The following CHIC2 variants were observed in gnomAD, a reference collection of about 807,000 sequenced individuals.
CHIC2 encodes the protein cysteine-rich hydrophobic domain-containing protein 2.
Under a neutral mutation model 25.9 loss-of-function variants are expected in CHIC2, and 14 were observed. The ratio of observed to expected loss-of-function variants is 0.54; its 90% CI spans 0.36 to 0.85. CHIC2 has a LOEUF of 0.85. Ranked by LOEUF, CHIC2 falls within the 40% of genes least tolerant of loss-of-function variation. The probability of loss-of-function intolerance (pLI) is 0.01; values close to 1 mark genes in which losing one functional copy is unlikely to be tolerated. For synonymous variants in CHIC2, 70 were observed against 72.0 expected (o/e 0.97, Z 0.14); for missense variants, 146 against 202.0 (o/e 0.72, Z 1.68).
the CHIC2 span, among the ~76,000 whole-genome samples, chr4:54,073,482 A>G: frequency 6.6e-6 from 1 of 152,206 alleles, no homozygotes; most frequent in Admixed American, 6.5e-5. Context: ...GAAGCCACTC[A>G]CCATGTCATG....
At chr4:54,086,397 G>C in the CHIC2 span, among the ~76,000 whole-genome samples, 1 of 152,190 alleles carries the variant, frequency 6.6e-6, no homozygotes, top group East Asian at 1.9e-4. Context: ...CATTGAGTTT[G>C]GGGTTTGGTT....
chr4:54,061,245 A>G (rs1199062737), intron 1 of CHIC2: 1 of 152,172 alleles, frequency 6.6e-6, no homozygotes, highest in East Asian at 1.9e-4. Context: ...TAGAGAATGG[A>G]AGGTAACTTT....
rs1715523818 is a variant in CHIC2, at chr4:54,009,871, A to G, written c.*224T>C. The G allele has an allele frequency of 2.6e-6, 1 of 385,938 alleles. No individual in the cohort carries two copies. The highest frequency in any genetic ancestry group is 4.4e-5 in the Admixed American group (1 of 22,946). The allele number at this position is 385,938 out of a possible 1,614,324, so 23.9% of individuals were successfully genotyped here. On this transcript the variant is annotated 3_prime_UTR_variant, in exon 6 of 6. Coordinates refer to ENST00000263921, the MANE Select transcript of CHIC2 (RefSeq NM_012110.4). Reference sequence around the variant, plus strand: ...ATCAGAATACATAACAGAAAAGAGCACAATAACTTAAGTATTAAACATCTG... The same window carrying G: ...ATCAGAATACATAACAGAAAAGAGCGCAATAACTTAAGTATTAAACATCTG...
At chr4:54,025,781 G>A (rs925029411) in intron 3 of CHIC2, among the ~76,000 whole-genome samples, 4 of 151,368 alleles carry the variant, frequency 2.6e-5, no homozygotes, top group East Asian at 1.9e-4. Flanking sequence ...AGGATCACTC[G>A]AGCCTGGGAG....
At chr4:54,062,673 A>C (rs1287674001) in intron 1 of CHIC2, among the ~76,000 whole-genome samples, 1 of 152,130 alleles carries the variant, frequency 6.6e-6, no homozygotes, top group Non-Finnish European at 1.5e-5. Context: ...TAAATGACAA[A>C]ATTCTCTAGC....
intron 1 of CHIC2, among the ~76,000 whole-genome samples, chr4:54,063,532 A>G (rs1047557661): frequency 1.3e-5 from 2 of 152,190 alleles, no homozygotes; most frequent in Non-Finnish European, 2.9e-5. Context: ...CAGGACTACA[A>G]TTTTCCCTCA....
rs186396359 is a variant in CHIC2 at position 54,022,281 on chromosome 4, C to T, written c.331-8162G>A. 1.2e-3 allele frequency among the ~76,000 whole-genome samples: 187 copies of T among 152,258 alleles called. 4 individuals carry two copies. The highest frequency in any genetic ancestry group is 3.5e-4 in the Non-Finnish European group (24 of 68,012). ...TCTTCTCAGCTTAGTGGCTGAAGACCGACGCTGCCCGATCGCCTCAGAAGC... is the reference window on the plus strand; with the variant it reads ...TCTTCTCAGCTTAGTGGCTGAAGACTGACGCTGCCCGATCGCCTCAGAAGC... On this transcript the variant is annotated intron_variant, in intron 3 of 5. Coordinates refer to ENST00000263921, the MANE Select transcript of CHIC2 (RefSeq NM_012110.4).
chr4:54,083,397 G>A, the CHIC2 span, among the ~76,000 whole-genome samples: 3 of 152,030 alleles, frequency 2.0e-5, no homozygotes, highest in Admixed American at 1.3e-4. Context: ...TATTCTTATA[G>A]CACTTAAAAC....
chr4:54,038,070 A>G (rs574001220), intron 3 of CHIC2, among the ~76,000 whole-genome samples: 69 of 152,274 alleles, frequency 4.5e-4, no homozygotes, highest in African/African-American at 1.6e-3. Flanking sequence ...ACAGAAAATC[A>G]AGAATAAAGC....
intron 1 of CHIC2, among the ~76,000 whole-genome samples, chr4:54,061,610 A>T (rs1351105421): frequency 6.6e-6 from 1 of 152,192 alleles, no homozygotes; most frequent in Non-Finnish European, 1.5e-5. Flanking sequence ...TAAAGCAAGA[A>T]AAATTGAATG....
intron 3 of CHIC2, among the ~76,000 whole-genome samples, chr4:54,021,156 T>A (rs962435291): frequency 6.6e-6 from 1 of 152,190 alleles, no homozygotes; most frequent in Non-Finnish European, 1.5e-5. Flanking sequence ...AAATGCCTTA[T>A]TTTCTTCTGC....
chr4:54,075,138 A>AATAAT, the CHIC2 span, among the ~76,000 whole-genome samples: 1 of 152,134 alleles, frequency 6.6e-6, no homozygotes, highest in Non-Finnish European at 1.5e-5. Context: ...AATAAAATAA[A>AATAAT]TTCTCTCAAG....
upstream of CHIC2, among the ~76,000 whole-genome samples, chr4:54,066,033 C>A (rs1260716204): frequency 6.6e-6 from 1 of 152,228 alleles, no homozygotes; most frequent in Admixed American, 6.5e-5. Flanking sequence ...CAGGCCCTGA[C>A]TTCTGGTAGC....
chr4:54,023,797 A>G (rs140330866), intron 3 of CHIC2, among the ~76,000 whole-genome samples: 106 of 152,314 alleles, frequency 7.0e-4, no homozygotes, highest in African/African-American at 2.5e-3. Flanking sequence ...CTACGCATCA[A>G]TATCTATACT....
chr4:54,010,065 C>T lies in CHIC2; in HGVS notation c.*30G>A. 1 of 1,526,718 alleles carries T rather than the reference C, an allele frequency of 6.5e-7. No homozygotes were observed. The highest frequency in any genetic ancestry group is 9.0e-7 in the Non-Finnish European group (1 of 1,105,598). 94.6% of individuals were successfully genotyped at this position (1,526,718 alleles called of 1,614,324 possible). On this transcript the variant is annotated 3_prime_UTR_variant, in exon 6 of 6. Transcript: ENST00000263921. Reference sequence around the variant, plus strand: ...AAGGCACCATTGGAAAGACAACATACTTGGAAAGTCTCTATAAATAAAGTA... The same window carrying T: ...AAGGCACCATTGGAAAGACAACATATTTGGAAAGTCTCTATAAATAAAGTA...
intron 3 of CHIC2, among the ~76,000 whole-genome samples, chr4:54,038,596 T>G (rs1442074347): frequency 6.6e-6 from 1 of 152,226 alleles, no homozygotes; most frequent in African/African-American, 2.4e-5. Context: ...ATACCAGTGT[T>G]TCTTATAGAT....
intron 5 of CHIC2, among the ~76,000 whole-genome samples, chr4:54,013,279 A>G (rs112275154): frequency 6.6e-6 from 1 of 152,226 alleles, no homozygotes; most frequent in African/African-American, 2.4e-5. Context: ...GCCAAATTAG[A>G]TATTTTTTAA....
At chr4:54,053,551 A>G (rs7661857) in intron 1 of CHIC2, among the ~76,000 whole-genome samples, 7,978 of 128,620 alleles carry the variant, frequency 0.062, 779 homozygotes, top group African/African-American at 0.22. Flanking sequence ...AGTGAGACTC[A>G]GTCTCAAAAA....
chr4:54,056,174 TTAAA>T (rs1230605331), intron 1 of CHIC2, among the ~76,000 whole-genome samples: 1 of 152,166 alleles, frequency 6.6e-6, no homozygotes, highest in African/African-American at 2.4e-5. Context: ...TATTAACAGA[TTAAA>T]TATGTTGTTA....
Sources: allele counts gnomAD v4.1 joint callset (sites outside exome capture counted in the v4.1 genomes callset), GRCh38; gene constraint gnomAD v4.1.1; transcripts MANE v1.5; gene names NCBI Gene and HGNC (gene_info 2026-07-23, HGNC 2026-07-21).